Variants in RORA observed in about 807,000 individuals in gnomAD.
RORA encodes the protein nuclear receptor ROR-alpha.
Under a neutral mutation model 69.5 loss-of-function variants are expected in RORA, and 7 were observed. The ratio of observed to expected loss-of-function variants is 0.10; its 90% CI spans 0.06 to 0.19. The LOEUF is 0.19. Ranked by LOEUF, RORA falls within the 10% of genes least tolerant of loss-of-function variation. The pLI, the probability that RORA is intolerant of heterozygous loss-of-function variation, is 1.00. For missense variants in RORA, 457 were observed against 663.0 expected, an observed-to-expected ratio of 0.69 and a Z score of 3.41; for synonymous variants, 261 against 240.8, an observed-to-expected ratio of 1.08 and a Z score of -0.78.
At chr15:61,137,036 AAAGAAAG>A (rs1337604156) in intron 1 of RORA, among the ~76,000 whole-genome samples, 1 of 129,334 alleles carries the variant, frequency 7.7e-6, no homozygotes, top group Non-Finnish European at 1.6e-5. Flanking sequence ...AGAAAGAAAG[AAAGAAAG>A]AAAGAAAGAA....
chr15:61,122,288 T>C (rs192092177), intron 1 of RORA, among the ~76,000 whole-genome samples: 231 of 152,318 alleles, frequency 1.5e-3, no homozygotes, highest in African/African-American at 5.4e-3. Context: ...CTCTCTTCTA[T>C]TGTGGAGAAG....
intron 1 of RORA, among the ~76,000 whole-genome samples, chr15:60,800,912 C>T (rs906588554): frequency 6.6e-6 from 1 of 152,178 alleles, no homozygotes; most frequent in African/African-American, 2.4e-5. Flanking sequence ...CCTCTGTGAC[C>T]CTCTCAAGGG....
intron 1 of RORA, among the ~76,000 whole-genome samples, chr15:60,882,518 A>G (rs1017645222): frequency 4.6e-5 from 7 of 152,176 alleles, no homozygotes; most frequent in African/African-American, 1.7e-4. Context: ...GGATTTGCCT[A>G]GAACTACCCA....
chr15:60,634,497 C>G (rs553995008), intron 2 of RORA, among the ~76,000 whole-genome samples: 4 of 151,996 alleles, frequency 2.6e-5, no homozygotes, highest in Admixed American at 1.3e-4. Context: ...CTCCCCCTCC[C>G]GGGTTCAAGC....
intron 1 of RORA, chr15:60,848,777 C>T (rs188744106): frequency 6.6e-6 from 1 of 152,276 alleles, no homozygotes; most frequent in Non-Finnish European, 1.5e-5. Flanking sequence ...TTTAAACAAC[C>T]AGATCTCATG....
chr15:60,733,928 G>C (rs1449579125), intron 1 of RORA, among the ~76,000 whole-genome samples: 1 of 150,656 alleles, frequency 6.6e-6, no homozygotes, highest in Non-Finnish European at 1.5e-5. Flanking sequence ...GAGAGAGAGA[G>C]AGAGAGAGAG....
chr15:60,630,033 T>C (rs1315091803), intron 2 of RORA, among the ~76,000 whole-genome samples: 4 of 152,214 alleles, frequency 2.6e-5, no homozygotes, highest in East Asian at 1.9e-4. Context: ...GGAAGACCTA[T>C]GATTTGGCTA....
At chr15:60,934,020 C>G (rs1352731229) in intron 1 of RORA, among the ~76,000 whole-genome samples, 1 of 152,238 alleles carries the variant, frequency 6.6e-6, no homozygotes. Context: ...GAAACACCTA[C>G]TTAGCATAGC....
At chr15:60,600,286 CAAATGCTGGCA>C in intron 2 of RORA, among the ~76,000 whole-genome samples, 1 of 152,324 alleles carries the variant, frequency 6.6e-6, no homozygotes, top group South Asian at 2.1e-4. Flanking sequence ...GTTCCAGGAG[CAAATGCTGGCA>C]TTATTTTGCT....
chr15:60,844,748 C>T (rs1356085018), intron 1 of RORA, among the ~76,000 whole-genome samples: 1 of 152,158 alleles, frequency 6.6e-6, no homozygotes, highest in African/African-American at 2.4e-5. Context: ...AAAAGTAAGA[C>T]TAAGACAATT....
At chr15:60,524,051 T>C (rs1213061896) in intron 3 of RORA, among the ~76,000 whole-genome samples, 1 of 152,164 alleles carries the variant, frequency 6.6e-6, no homozygotes, top group Non-Finnish European at 1.5e-5. Flanking sequence ...GCATCATCTT[T>C]CCCTCAGTTA....
chr15:61,215,186 C>T (rs1169636463), intron 1 of RORA, among the ~76,000 whole-genome samples: 1 of 151,816 alleles, frequency 6.6e-6, no homozygotes. Flanking sequence ...CCTGGCCCTT[C>T]TTGTACTTTT....
chr15:61,225,774 C>T (rs752467464), intron 1 of RORA, among the ~76,000 whole-genome samples: 3 of 152,198 alleles, frequency 2.0e-5, no homozygotes, highest in Non-Finnish European at 4.4e-5. Flanking sequence ...ACAGTTATGT[C>T]ACGAGGCTCA....
intron 2 of RORA, among the ~76,000 whole-genome samples, chr15:60,674,627 A>G (rs887684835): frequency 2.0e-5 from 3 of 152,236 alleles, no homozygotes; most frequent in African/African-American, 7.2e-5. Context: ...ACAGTGCTTT[A>G]ATTTTATATT....
chr15:60,649,005 A>G (rs1213270293), intron 2 of RORA, among the ~76,000 whole-genome samples: 4 of 152,170 alleles, frequency 2.6e-5, no homozygotes, highest in Non-Finnish European at 2.9e-5. Context: ...CTCTCCTCAC[A>G]GGTGCTCTTG....
chr15:60,690,997 C>T (rs2070814855), intron 1 of RORA, among the ~76,000 whole-genome samples: 1 of 152,216 alleles, frequency 6.6e-6, no homozygotes, highest in Non-Finnish European at 1.5e-5. Flanking sequence ...ATGATCCGGC[C>T]TGCCTGGTTC....
In RORA at chr15:61,205,617, G is replaced by T. The variant is rs569832376; in HGVS notation, c.166+23436C>A. 9.8e-5 allele frequency among the ~76,000 whole-genome samples: 15 copies of T among 152,312 alleles called. No individual in the cohort carries two copies. The South Asian group carries it at 3.1e-3, about 32-fold the overall frequency. On this transcript the variant is annotated intron_variant, in intron 1 of 10. Coordinates refer to ENST00000335670, the MANE Select transcript of RORA (RefSeq NM_134261.3). ...AAGGGCAACAGGATACCTAAGGAAT[G>T]AAAGGAAAACCTGCAACCAGAAGAG...
intron 1 of RORA, among the ~76,000 whole-genome samples, chr15:60,759,605 G>A (rs1200159710): frequency 1.3e-5 from 2 of 152,292 alleles, no homozygotes; most frequent in East Asian, 3.9e-4. Context: ...AAGACTGGCC[G>A]TCTCAGATTT....
intron 1 of RORA, among the ~76,000 whole-genome samples, chr15:61,192,652 G>C (rs1388977333): frequency 6.6e-6 from 1 of 152,178 alleles, no homozygotes; most frequent in East Asian, 1.9e-4. Context: ...CTTTCCCTTG[G>C]TTAGCAATGA....
Sources: gnomAD v4.1 joint callset for allele counts (sites outside exome capture counted in the v4.1 genomes callset) on GRCh38, gnomAD v4.1.1 for gene constraint, MANE v1.5 for transcripts, NCBI Gene and HGNC (gene_info 2026-07-23, HGNC 2026-07-21) for gene names.